The following TYW1 variants were observed in gnomAD, a reference collection of about 807,000 sequenced individuals.
TYW1 encodes the protein tRNA-yW synthesizing protein 1 homolog, also known as S-adenosyl-L-methionine-dependent tRNA 4-demethylwyosine synthase TYW1.
A neutral mutation model predicts 96.2 loss-of-function variants in TYW1; 46 were observed. The ratio of observed to expected loss-of-function variants is 0.48; its 90% CI spans 0.38 to 0.61. TYW1 has a LOEUF of 0.61. TYW1 is among the 20% of genes least tolerant of loss of function. The pLI is 0.00. For synonymous variants in TYW1, 274 were observed against 323.0 expected, an observed-to-expected ratio of 0.85 and a Z score of 1.63; for missense variants, 684 against 909.6, an observed-to-expected ratio of 0.75 and a Z score of 3.19.
At chr7:67,134,548 A>G (rs1284137630) in intron 13 of TYW1, among the ~76,000 whole-genome samples, 1 of 151,948 alleles carries the variant, frequency 6.6e-6, no homozygotes, top group Non-Finnish European at 1.5e-5. Context: ...TCTCAAAAAA[A>G]AAAAAGATAA....
At chr7:67,132,533 T>G (rs1798114439) in intron 13 of TYW1, among the ~76,000 whole-genome samples, 1 of 152,232 alleles carries the variant, frequency 6.6e-6, no homozygotes, top group South Asian at 2.1e-4. Context: ...GCAACTTGAT[T>G]TAATTTTTGA....
At chr7:67,119,594 G>A (rs1797699795) in intron 13 of TYW1, among the ~76,000 whole-genome samples, 1 of 152,060 alleles carries the variant, frequency 6.6e-6, no homozygotes, top group Non-Finnish European at 1.5e-5. Context: ...ACCCAGTTTT[G>A]TGATTACTAT....
At chr7:67,072,370 C>T (rs1796055874) in intron 10 of TYW1, among the ~76,000 whole-genome samples, 1 of 151,848 alleles carries the variant, frequency 6.6e-6, no homozygotes, top group Non-Finnish European at 1.5e-5. Context: ...CCTCAGCCTC[C>T]TGAGTAGCTG....
chr7:67,083,086 C>T (rs769731890), intron 10 of TYW1, among the ~76,000 whole-genome samples: 4 of 152,030 alleles, frequency 2.6e-5, no homozygotes, highest in East Asian at 1.9e-4. Context: ...TATGAAGTGT[C>T]GACGTAGATG....
chr7:67,215,286 C>A lies in TYW1; in HGVS notation c.1977+19949C>A, dbSNP rs547662620. On this transcript the variant is annotated intron_variant, in intron 15 of 15. Transcript: ENST00000359626. ...CCACATTAGCTCAAGCACCCACCCC[C>A]ACTTGACGCAGTCACAAGTCCCAAA... Among the ~76,000 whole-genome samples the A allele has an allele frequency of 5.9e-5, 9 of 152,072 alleles. No individual in the cohort carries two copies. In the South Asian group the frequency reaches 1.9e-3, roughly 32 times the overall value.
intron 7 of TYW1, among the ~76,000 whole-genome samples, chr7:67,028,437 A>C (rs1479926939): frequency 6.6e-6 from 1 of 152,206 alleles, no homozygotes; most frequent in Non-Finnish European, 1.5e-5. Flanking sequence ...ATTCCAGCTG[A>C]CCAAAAACCT....
intron 9 of TYW1, among the ~76,000 whole-genome samples, chr7:67,062,811 G>A (rs1215090467): frequency 1.3e-5 from 2 of 152,060 alleles, no homozygotes; most frequent in African/African-American, 2.4e-5. Flanking sequence ...GTAATTAAAA[G>A]CCTCCCCAAA....
At chr7:67,166,329 T>TA (rs1799324141) in intron 13 of TYW1, among the ~76,000 whole-genome samples, 1 of 140,296 alleles carries the variant, frequency 7.1e-6, no homozygotes, top group African/African-American at 2.7e-5. Context: ...ATATAACATA[T>TA]ATAATATATA....
chr7:67,135,606 A>G (rs1444247703), intron 13 of TYW1, among the ~76,000 whole-genome samples: 2 of 115,210 alleles, frequency 1.7e-5, no homozygotes, highest in Non-Finnish European at 3.5e-5. Flanking sequence ...TCCAGCCAAC[A>G]GTTTTTTTTT....
chr7:67,238,639 C>T lies in TYW1; in HGVS notation c.*110C>T. ...GAATTACGTAAATTATACTTTCATA[C>T]AAAGGAGACGATAAGGCAGTAAACA... On this transcript the variant is annotated 3_prime_UTR_variant, in exon 16 of 16. Transcript: ENST00000359626. 2 of 1,482,786 alleles carry T rather than the reference C, an allele frequency of 1.3e-6. No individual in the cohort carries two copies. The highest frequency in any genetic ancestry group is 1.8e-6 in the Non-Finnish European group (2 of 1,115,532). The allele number at this position is 1,482,786 out of a possible 1,614,324, so 91.9% of individuals were successfully genotyped here. A position where few individuals can be genotyped will look rare whatever the true frequency, so the allele number is the denominator to read the frequency against.
intron 7 of TYW1, among the ~76,000 whole-genome samples, chr7:67,027,384 ATTAAAT>A (rs1393850242): frequency 1.3e-5 from 2 of 151,958 alleles, no homozygotes; most frequent in African/African-American, 4.8e-5. Context: ...AATAAAAAAA[ATTAAAT>A]TTATGAATGA....
chr7:67,159,722 T>C (rs1799097789), intron 13 of TYW1, among the ~76,000 whole-genome samples: 1 of 152,182 alleles, frequency 6.6e-6, no homozygotes, highest in Non-Finnish European at 1.5e-5. Context: ...AGCCATGCTG[T>C]ATGTAGTAAT....
At chr7:67,238,232 C>G (rs1297600638) in intron 15 of TYW1, 76 bp from the exon 16 acceptor site, 1 of 1,578,538 alleles carries the variant, frequency 6.3e-7, no homozygotes, top group African/African-American at 1.4e-5. Flanking sequence ...CAGACTTGTT[C>G]ATGATTTTAA....
chr7:67,004,466 C>T (rs1483244209), intron 3 of TYW1, among the ~76,000 whole-genome samples: 2 of 152,130 alleles, frequency 1.3e-5, no homozygotes, highest in African/African-American at 4.8e-5. Flanking sequence ...TTGTGCTCGC[C>T]AGCTCCCTTT....
intron 11 of TYW1, among the ~76,000 whole-genome samples, chr7:67,098,068 T>A (rs1796974681): frequency 1.3e-5 from 2 of 152,172 alleles, no homozygotes; most frequent in African/African-American, 4.8e-5. Flanking sequence ...AGTATTCCAG[T>A]ATGAAGCCAA....
intron 11 of TYW1, among the ~76,000 whole-genome samples, chr7:67,089,847 A>G (rs183322302): frequency 3.9e-5 from 6 of 152,164 alleles, no homozygotes; most frequent in African/African-American, 1.4e-4. Flanking sequence ...GTGGGTCAGA[A>G]TTTCAGTGCC....
chr7:67,160,261 C>CTTAA (rs2116213815), intron 13 of TYW1, among the ~76,000 whole-genome samples: 3 of 152,184 alleles, frequency 2.0e-5, no homozygotes, highest in South Asian at 2.1e-4. Flanking sequence ...GACCCTATCT[C>CTTAA]TTAATTAATT....
intron 13 of TYW1, among the ~76,000 whole-genome samples, chr7:67,144,462 A>G (rs1380078688): frequency 2.0e-5 from 3 of 148,692 alleles, no homozygotes; most frequent in African/African-American, 5.1e-5. Flanking sequence ...TTCCACTACA[A>G]CATCTCTTTG....
chr7:67,088,885 A>G (rs1796626123), intron 11 of TYW1, among the ~76,000 whole-genome samples: 1 of 152,160 alleles, frequency 6.6e-6, no homozygotes, highest in Non-Finnish European at 1.5e-5. Context: ...TTTCATTTTA[A>G]TAATATTGTA....
Sources: gnomAD v4.1 joint callset for allele counts (sites outside exome capture counted in the v4.1 genomes callset) on GRCh38, gnomAD v4.1.1 for gene constraint, MANE v1.5 for transcripts, NCBI Gene and HGNC (gene_info 2026-07-23, HGNC 2026-07-21) for gene names.